SP100: variants seen among roughly 807,000 people sequenced by gnomAD.
SP100 encodes SP100 nuclear body protein.
Under a neutral mutation model 130.0 loss-of-function variants are expected in SP100, and 84 were observed. That is an observed-to-expected ratio of 0.65 (90% CI 0.54 to 0.77). The LOEUF is 0.77. Ranked by LOEUF, SP100 falls within the 30% of genes least tolerant of loss-of-function variation. SP100 has a pLI of 0.00. For missense variants in SP100, 978 were observed against 1,052.2 expected (o/e 0.93, Z 0.97); for synonymous variants, 331 against 351.7 (o/e 0.94, Z 0.66).
chr2:230,515,230 C>T (rs145066547), intron 24 of SP100: 9 of 1,613,328 alleles, frequency 5.6e-6, no homozygotes, highest in Non-Finnish European at 7.6e-6. Flanking sequence ...GGACAAGGCC[C>T]ATTATGAAAG....
At position 230,542,875 on chromosome 2, in the gene SP100, A is replaced by G; in HGVS notation, c.2587A>G (p.Ile863Val). The stretch of plus-strand genomic sequence containing the variant: ...CAGACTGGGAATTCAAGTACAGGAC[A>G]TCTTTGAGAAGAATTTCAGAAACAT... ...FTRLGIQVQD[I>V]FEKNFRNIFA... Residue 863 changes from isoleucine (I) to valine (V), a missense_variant, in exon 29 of 29, where the codon ATC (isoleucine) becomes GTC (valine). Ile to Val is a conservative substitution (Grantham distance 29, BLOSUM62 3). Coordinates refer to ENST00000340126, the MANE Select transcript of SP100 (RefSeq NM_001080391.2). 6.2e-7 allele frequency: 1 copy of G among 1,612,774 alleles called. No homozygotes were observed.
intron 2 of SP100, among the ~76,000 whole-genome samples, chr2:230,432,600 A>G (rs965133677): frequency 6.6e-6 from 1 of 152,162 alleles, no homozygotes; most frequent in African/African-American, 2.4e-5. Context: ...TTCTCTAATA[A>G]TGAATGCTAC....
At position 230,501,135 on chromosome 2, in the gene SP100, G is replaced by C. The variant is rs560847854; in HGVS notation, c.1721-1931G>C. 2.6e-5 allele frequency among the ~76,000 whole-genome samples: 4 copies of C among 152,204 alleles called. No individual in the cohort carries two copies. In the South Asian group the frequency reaches 8.3e-4, roughly 32 times the overall value. On this transcript the variant is annotated intron_variant, in intron 19 of 28. Coordinates refer to ENST00000340126, the MANE Select transcript of SP100 (RefSeq NM_001080391.2). ...CGCACACCTATAATCCCAGCTACTT[G>C]GGAGGCAGAGGAAGGAAAATCACTT... is the stretch of plus-strand genomic sequence containing the variant.
At chr2:230,506,592 A>C in intron 22 of SP100, 147 bp downstream of exon 22, 1 of 706,276 alleles carries the variant, frequency 1.4e-6, no homozygotes, top group Non-Finnish European at 2.3e-6. Context: ...TAACGTTCTC[A>C]CCTGAACATT....
At chr2:230,488,139 A>C (rs1005985322) in intron 17 of SP100, among the ~76,000 whole-genome samples, 1 of 152,166 alleles carries the variant, frequency 6.6e-6, no homozygotes, top group Admixed American at 6.5e-5. Context: ...AAGTACAGAC[A>C]ATCTGACTTC....
rs1028665575 is a variant in SP100 at position 230,504,663 on chromosome 2, T to C, written c.1870+373T>C. Among the ~76,000 whole-genome samples, 8 of 152,170 alleles carry C rather than the reference T, an allele frequency of 5.3e-5. 1 individual carries two copies. The highest frequency in any genetic ancestry group is 4.4e-5 in the Non-Finnish European group (3 of 68,024). On this transcript the variant is annotated intron_variant, in intron 21 of 28. Transcript: ENST00000340126. ...GCCTGAGTTTAGGAGTCCAGGGTTT[T>C]TACCAGTCACATAGGTGCCCTCTGC...
intron 17 of SP100, among the ~76,000 whole-genome samples, chr2:230,482,481 A>C (rs2065879374): frequency 6.6e-6 from 1 of 152,164 alleles, no homozygotes; most frequent in Admixed American, 6.5e-5. Flanking sequence ...ACCTACTGAG[A>C]ACAAAACCCT....
chr2:230,458,655 G>T lies in SP100; in HGVS notation c.821-2607G>T, dbSNP rs573222983. ...ATGCATGATGCTGCTTGTCAGATTT[G>T]CAAAGGAAGGAAGCCCAGGTGAAAG... On this transcript the variant is annotated intron_variant, in intron 8 of 28. Coordinates refer to ENST00000340126, the MANE Select transcript of SP100 (RefSeq NM_001080391.2). Among the ~76,000 whole-genome samples the T allele has an allele frequency of 2.0e-5, 3 of 152,276 alleles. No individual in the cohort carries two copies. The South Asian group carries it at 6.2e-4, about 32-fold the overall frequency.
chr2:230,422,378 C>T (rs756361743), intron 2 of SP100, among the ~76,000 whole-genome samples: 1 of 152,158 alleles, frequency 6.6e-6, no homozygotes, highest in Non-Finnish European at 1.5e-5. Flanking sequence ...GAATGAGACA[C>T]TAAAAATCTG....
intron 17 of SP100, among the ~76,000 whole-genome samples, chr2:230,483,329 T>C (rs2150022263): frequency 6.6e-6 from 1 of 152,160 alleles, no homozygotes; most frequent in East Asian, 1.9e-4. Flanking sequence ...GACTAAGCCA[T>C]GGAGCTGAGG....
At chr2:230,485,100 TTTTATTTTATTTTATTTTATTA>T (rs1575715366) in intron 17 of SP100, among the ~76,000 whole-genome samples, 1 of 151,478 alleles carries the variant, frequency 6.6e-6, no homozygotes, top group East Asian at 1.9e-4. Context: ...CAATATTTTA[TTTTATTTTATTTTATTTTATTA>T]TTTATTTTAT....
intron 2 of SP100, among the ~76,000 whole-genome samples, chr2:230,432,704 ATTGAG>A (rs983615531): frequency 4.6e-5 from 7 of 152,086 alleles, no homozygotes; most frequent in African/African-American, 1.4e-4. Context: ...TTGTCTTCTT[ATTGAG>A]TTGTCAGAAT....
chr2:230,443,564 T>C (rs1194419799), intron 3 of SP100, among the ~76,000 whole-genome samples: 5 of 152,256 alleles, frequency 3.3e-5, no homozygotes, highest in Non-Finnish European at 2.9e-5. Context: ...AATTGATGTC[T>C]AGAGAGGACA....
intron 24 of SP100, among the ~76,000 whole-genome samples, chr2:230,532,684 T>A (rs1358413706): frequency 4.6e-5 from 7 of 152,238 alleles, no homozygotes; most frequent in Non-Finnish European, 1.0e-4. Context: ...TAATCAGTTG[T>A]CAGTATTGTA....
At chr2:230,489,851 T>C (rs1436281219) in intron 17 of SP100, among the ~76,000 whole-genome samples, 4 of 152,234 alleles carry the variant, frequency 2.6e-5, no homozygotes, top group Non-Finnish European at 5.9e-5. Context: ...TCCTGAGTTC[T>C]AATTTGTTTG....
chr2:230,541,782 G>T lies in SP100; in HGVS notation c.2404-110G>T, dbSNP rs1002252822. ...CCACCTCCTAGTACCTTCACAGGGG[G>T]GTTAGGATTTTGACCTATGGATTGG... On this transcript the variant is annotated intron_variant, in intron 27 of 28. Coordinates refer to ENST00000340126, the MANE Select transcript of SP100 (RefSeq NM_001080391.2). 2.2e-5 allele frequency: 26 copies of T among 1,171,638 alleles called. No homozygotes were observed. The Admixed American group carries it at 5.0e-4, about 22-fold the overall frequency. 72.6% of individuals were successfully genotyped at this position (1,171,638 alleles called of 1,614,324 possible). A position where few individuals can be genotyped will look rare whatever the true frequency, so the allele number is the denominator to read the frequency against.
At chr2:230,445,111 A>G (rs1413496058) in intron 4 of SP100, among the ~76,000 whole-genome samples, 1 of 152,194 alleles carries the variant, frequency 6.6e-6, no homozygotes, top group Non-Finnish European at 1.5e-5. Context: ...TCTGCCAGGG[A>G]CTATTTTTGG....
intron 24 of SP100, among the ~76,000 whole-genome samples, chr2:230,513,964 A>G (rs73097022): frequency 0.012 from 1,883 of 152,346 alleles, 50 homozygotes; most frequent in African/African-American, 0.043. Context: ...AATAGAAAAA[A>G]GAAATTAGTC....
intron 24 of SP100, among the ~76,000 whole-genome samples, chr2:230,532,216 A>G (rs1388730915): frequency 6.8e-6 from 1 of 146,274 alleles, no homozygotes; most frequent in Non-Finnish European, 1.6e-5. Flanking sequence ...TACGGTTCCT[A>G]GAAAAAAATA....
Sources: allele counts gnomAD v4.1 joint callset (sites outside exome capture counted in the v4.1 genomes callset), GRCh38; gene constraint gnomAD v4.1.1; transcripts MANE v1.5; gene names NCBI Gene and HGNC (gene_info 2026-07-23, HGNC 2026-07-21).